Variants in ST6GALNAC3 observed in about 807,000 individuals in gnomAD.
ST6GALNAC3 encodes ST6 N-acetylgalactosaminide alpha-2,6-sialyltransferase 3.
Under a neutral mutation model 32.7 loss-of-function variants are expected in ST6GALNAC3, and 25 were observed. That is an observed-to-expected ratio of 0.76 (90% CI 0.56 to 1.07). ST6GALNAC3 has a LOEUF of 1.07. Among genes scored for constraint, ST6GALNAC3 ranks in the 50% least tolerant of loss-of-function variants. The probability of loss-of-function intolerance (pLI) is 0.00; values close to 1 mark genes in which losing one functional copy is unlikely to be tolerated. For missense variants in ST6GALNAC3, 355 were observed against 382.4 expected (o/e 0.93, Z 0.60); for synonymous variants, 129 against 133.1 (o/e 0.97, Z 0.21).
At chr1:76,583,162 G>A (rs904077151) in intron 3 of ST6GALNAC3, among the ~76,000 whole-genome samples, 6 of 152,178 alleles carry the variant, frequency 3.9e-5, no homozygotes, top group African/African-American at 1.4e-4. Flanking sequence ...TATGGCAAAT[G>A]TTCTCAGCCA....
At chr1:76,476,527 T>C (rs189768038) in intron 3 of ST6GALNAC3, among the ~76,000 whole-genome samples, 3 of 152,280 alleles carry the variant, frequency 2.0e-5, no homozygotes, top group Non-Finnish European at 2.9e-5. Flanking sequence ...GATTCAGACA[T>C]TTTCTGGGAT....
intron 1 of ST6GALNAC3, among the ~76,000 whole-genome samples, chr1:76,180,804 A>G (rs1313635990): frequency 6.6e-6 from 1 of 152,094 alleles, no homozygotes; most frequent in Non-Finnish European, 1.5e-5. Context: ...CTCCCCATCC[A>G]TCCTGCTCAG....
chr1:76,247,683 A>T (rs115835876), intron 1 of ST6GALNAC3, among the ~76,000 whole-genome samples: 3,077 of 152,242 alleles, frequency 0.02, 41 homozygotes, highest in Non-Finnish European at 0.035. Flanking sequence ...TAGCAAGCTC[A>T]ATGGTCCCAG....
intron 2 of ST6GALNAC3, among the ~76,000 whole-genome samples, chr1:76,384,307 C>T (rs893427674): frequency 1.3e-5 from 2 of 152,040 alleles, no homozygotes; most frequent in Admixed American, 6.6e-5. Flanking sequence ...GATGCCATGA[C>T]ATAGTGACAA....
chr1:76,538,458 A>C (rs1243962214), intron 3 of ST6GALNAC3, among the ~76,000 whole-genome samples: 2 of 152,226 alleles, frequency 1.3e-5, no homozygotes, highest in Non-Finnish European at 2.9e-5. Context: ...GCAAACCAGT[A>C]CAAGACAAGG....
rs3042284 is a variant in ST6GALNAC3, at chr1:76,140,797, A to ATT, written c.18+65935_18+65936dup. Among the ~76,000 whole-genome samples, 42 of 120,374 alleles carry ATT rather than the reference A, an allele frequency of 3.5e-4. 1 individual carries two copies. Among genetic ancestry groups the ATT allele is most frequent in the African/African-American group, 5.7e-4 (18 of 31,558 alleles). 79.0% of individuals were successfully genotyped at this position (120,374 alleles called of 152,430 possible). On this transcript the variant is annotated intron_variant, in intron 1 of 4. Transcript: ENST00000328299. ...TGCCCAGCTAAATTTTAATTTTCTAATTTTTTTTTTTTTTTTTTTTTTTGG... is the reference window on the plus strand; with the variant it reads ...TGCCCAGCTAAATTTTAATTTTCTAATTTTTTTTTTTTTTTTTTTTTTTTTGG...
intron 1 of ST6GALNAC3, among the ~76,000 whole-genome samples, chr1:76,197,764 G>A (rs2100528515): frequency 6.6e-6 from 1 of 152,246 alleles, no homozygotes; most frequent in South Asian, 2.1e-4. Flanking sequence ...AGCCTTTGGG[G>A]TTTCTCAGCC....
chr1:76,491,331 G>C (rs1660487271), intron 3 of ST6GALNAC3, among the ~76,000 whole-genome samples: 1 of 152,088 alleles, frequency 6.6e-6, no homozygotes, highest in Non-Finnish European at 1.5e-5. Context: ...TGTCTCATGG[G>C]ATACTTTCAG....
At chr1:76,236,111 A>AT (rs1231093318) in intron 1 of ST6GALNAC3, among the ~76,000 whole-genome samples, 7 of 151,744 alleles carry the variant, frequency 4.6e-5, no homozygotes, top group Non-Finnish European at 8.8e-5. Flanking sequence ...TGCCTGGCTA[A>AT]TTTTTTGCGT....
Position 76,488,051 on chromosome 1 carries a change from C to T in ST6GALNAC3, c.623+75634C>T, listed in dbSNP as rs368527809. 9.9e-5 allele frequency among the ~76,000 whole-genome samples: 15 copies of T among 152,076 alleles called. No homozygotes were observed. In the East Asian group the frequency reaches 1.2e-3, roughly 12 times the overall value. ...GGCTGCAGAACAGAGAAGAATAAAACCAGAAGTCCTGGGAAGAAGAGTGAT... is the reference window on the plus strand; with the variant it reads ...GGCTGCAGAACAGAGAAGAATAAAATCAGAAGTCCTGGGAAGAAGAGTGAT... On this transcript the variant is annotated intron_variant, in intron 3 of 4. Coordinates refer to ENST00000328299, the MANE Select transcript of ST6GALNAC3 (RefSeq NM_152996.4).
chr1:76,221,851 AG>A (rs1655791356), intron 1 of ST6GALNAC3, among the ~76,000 whole-genome samples: 1 of 152,148 alleles, frequency 6.6e-6, no homozygotes, highest in Admixed American at 6.5e-5. Context: ...TTAATATAAA[AG>A]TCATGACTCA....
chr1:76,450,881 G>T (rs1441511364), intron 3 of ST6GALNAC3, among the ~76,000 whole-genome samples: 2 of 152,004 alleles, frequency 1.3e-5, no homozygotes, highest in Non-Finnish European at 2.9e-5. Context: ...TTTATTTCTG[G>T]GTTCTACATT....
chr1:76,166,458 C>T (rs1200750231), intron 1 of ST6GALNAC3, among the ~76,000 whole-genome samples: 1 of 152,076 alleles, frequency 6.6e-6, no homozygotes, highest in African/African-American at 2.4e-5. Flanking sequence ...GTTCATTTTG[C>T]TTAAGATTGC....
intron 1 of ST6GALNAC3, among the ~76,000 whole-genome samples, chr1:76,194,720 T>C (rs1654095803): frequency 6.6e-6 from 1 of 152,138 alleles, no homozygotes. Flanking sequence ...CAAATGTTAT[T>C]GGAAAAAGGA....
At chr1:76,550,293 C>T (rs1664545307) in intron 3 of ST6GALNAC3, among the ~76,000 whole-genome samples, 1 of 152,110 alleles carries the variant, frequency 6.6e-6, no homozygotes, top group Admixed American at 6.5e-5. Flanking sequence ...AAAAGCTTTA[C>T]AGTTTGGCTT....
chr1:76,405,948 TC>T (rs982055403), intron 2 of ST6GALNAC3, among the ~76,000 whole-genome samples: 7 of 152,042 alleles, frequency 4.6e-5, no homozygotes, highest in African/African-American at 1.4e-4. Context: ...ATCTACACTT[TC>T]CCCCCACCCT....
Position 76,568,307 on chromosome 1 carries a change from C to G in ST6GALNAC3, c.624-59145C>G, listed in dbSNP as rs367813777. On this transcript the variant is annotated intron_variant, in intron 3 of 4. Coordinates refer to ENST00000328299, the MANE Select transcript of ST6GALNAC3 (RefSeq NM_152996.4). ...TCTAACTGCAGTCTGGTGCTCTTTC[C>G]TGGACACCTGCACATCTCTTCCAGT... 2.9e-4 allele frequency among the ~76,000 whole-genome samples: 44 copies of G among 152,292 alleles called. 1 individual carries two copies. The East Asian group carries it at 6.0e-3, about 21-fold the overall frequency.
At chr1:76,525,757 ATGTGTATG>A (rs1350691159) in intron 3 of ST6GALNAC3, among the ~76,000 whole-genome samples, 2 of 131,566 alleles carry the variant, frequency 1.5e-5, no homozygotes, top group Non-Finnish European at 3.3e-5. Flanking sequence ...ATGTGTATAT[ATGTGTATG>A]TGTGTTTGTG....
At chr1:76,157,013 A>G (rs141769958) in intron 1 of ST6GALNAC3, among the ~76,000 whole-genome samples, 370 of 152,264 alleles carry the variant, frequency 2.4e-3, no homozygotes, top group East Asian at 0.01. Flanking sequence ...TTACAGGTGT[A>G]AGCCACGGCG....
Sources: gnomAD v4.1 joint callset for allele counts (sites outside exome capture counted in the v4.1 genomes callset) on GRCh38, gnomAD v4.1.1 for gene constraint, MANE v1.5 for transcripts, NCBI Gene and HGNC (gene_info 2026-07-23, HGNC 2026-07-21) for gene names.